The following ULK4 variants were observed in gnomAD, a reference collection of about 807,000 sequenced individuals.
ULK4 encodes the protein inactive serine/threonine-protein kinase ULK4.
Under a neutral mutation model 160.6 loss-of-function variants are expected in ULK4, and 133 were observed. The ratio of observed to expected loss-of-function variants is 0.83; its 90% CI spans 0.72 to 0.96. The LOEUF is 0.96. Among genes scored for constraint, ULK4 ranks in the 40% least tolerant of loss-of-function variants. The pLI is 0.00. For synonymous variants in ULK4, 534 were observed against 539.8 expected (o/e 0.99, Z 0.15); for missense variants, 1,580 against 1,499.5 (o/e 1.05, Z -0.89).
chr3:41,872,124 G>A (rs73081364), intron 17 of ULK4, among the ~76,000 whole-genome samples: 5 of 151,886 alleles, frequency 3.3e-5, no homozygotes, highest in Admixed American at 1.3e-4. Flanking sequence ...CCTTAGTCCC[G>A]GTACAGGACG....
At chr3:41,950,034 C>A (rs914995664) in intron 2 of ULK4, among the ~76,000 whole-genome samples, 1 of 151,968 alleles carries the variant, frequency 6.6e-6, no homozygotes, top group Non-Finnish European at 1.5e-5. Flanking sequence ...CCACACCTGG[C>A]ACGGTCTGAT....
At chr3:41,699,843 T>C (rs1575583663) in intron 27 of ULK4, among the ~76,000 whole-genome samples, 3 of 152,214 alleles carry the variant, frequency 2.0e-5, no homozygotes, top group African/African-American at 7.2e-5. Context: ...ATGAAGCCAG[T>C]AAGTTGCAAT....
chr3:41,667,584 C>T (rs2035388430), intron 29 of ULK4, among the ~76,000 whole-genome samples: 1 of 152,086 alleles, frequency 6.6e-6, no homozygotes, highest in Non-Finnish European at 1.5e-5. Flanking sequence ...GGAAGACTAA[C>T]CAGTGAAGAG....
intron 2 of ULK4, among the ~76,000 whole-genome samples, chr3:41,942,686 G>A (rs966349039): frequency 2.6e-5 from 4 of 151,986 alleles, no homozygotes; most frequent in African/African-American, 4.8e-5. Flanking sequence ...GCATGGAGGC[G>A]CATGCCTGTA....
chr3:41,465,985 A>C (rs1349348521), intron 32 of ULK4, among the ~76,000 whole-genome samples: 1 of 152,226 alleles, frequency 6.6e-6, no homozygotes, highest in African/African-American at 2.4e-5. Context: ...ACCAAAAGTT[A>C]CTAATGCATT....
chr3:41,355,592 G>A (rs1002620594), intron 35 of ULK4, among the ~76,000 whole-genome samples: 1 of 152,106 alleles, frequency 6.6e-6, no homozygotes, highest in Non-Finnish European at 1.5e-5. Flanking sequence ...AAATCAAACT[G>A]TATAATCAGC....
At chr3:41,638,564 CAT>C (rs1453874200) in intron 30 of ULK4, among the ~76,000 whole-genome samples, 2 of 152,212 alleles carry the variant, frequency 1.3e-5, no homozygotes, top group Admixed American at 6.5e-5. Flanking sequence ...AGTGATACCA[CAT>C]GTTTGAGATG....
chr3:41,542,307 G>C (rs2086723554), intron 32 of ULK4, among the ~76,000 whole-genome samples: 1 of 152,112 alleles, frequency 6.6e-6, no homozygotes, highest in Admixed American at 6.6e-5. Flanking sequence ...CTGTTTATGT[G>C]ATGTATTACA....
At chr3:41,712,647 T>C (rs959876846) in intron 25 of ULK4, among the ~76,000 whole-genome samples, 22 of 152,314 alleles carry the variant, frequency 1.4e-4, no homozygotes, top group African/African-American at 5.1e-4. Context: ...CCCAGCACTT[T>C]GGGAGGCCAA....
At chr3:41,822,930 G>C (rs535081326) in intron 18 of ULK4, among the ~76,000 whole-genome samples, 50 of 149,938 alleles carry the variant, frequency 3.3e-4, no homozygotes, top group Non-Finnish European at 5.5e-4. Flanking sequence ...CACCATGTTA[G>C]CCAGGATGGT....
intron 17 of ULK4, among the ~76,000 whole-genome samples, chr3:41,856,606 TATATATATAC>T (rs2042368738): frequency 1.2e-5 from 1 of 81,724 alleles, no homozygotes; most frequent in South Asian, 3.2e-4. Context: ...TATATATGTG[TATATATATAC>T]ACATATATAT....
At chr3:41,514,691 A>G (rs779461679) in intron 32 of ULK4, among the ~76,000 whole-genome samples, 1 of 152,064 alleles carries the variant, frequency 6.6e-6, no homozygotes, top group Non-Finnish European at 1.5e-5. Context: ...AAAGACAAAC[A>G]TTGCATGTTC....
At chr3:41,689,467 G>A (rs572215202) in intron 27 of ULK4, among the ~76,000 whole-genome samples, 1 of 152,194 alleles carries the variant, frequency 6.6e-6, no homozygotes, top group Admixed American at 6.5e-5. Flanking sequence ...ACTTTTCTCT[G>A]CACAGCAAAA....
At chr3:41,342,792 G>A (rs536112174) in intron 35 of ULK4, among the ~76,000 whole-genome samples, 27 of 152,176 alleles carry the variant, frequency 1.8e-4, no homozygotes, top group Non-Finnish European at 3.1e-4. Context: ...CTGGCAAACC[G>A]AATCCAGCAG....
chr3:41,360,899 A>C (rs1442255804), intron 35 of ULK4, among the ~76,000 whole-genome samples: 1 of 151,082 alleles, frequency 6.6e-6, no homozygotes, highest in Non-Finnish European at 1.5e-5. Flanking sequence ...ACACCTGTAC[A>C]TCCGGCACAT....
At chr3:41,509,655 A>C (rs1293061837) in intron 32 of ULK4, among the ~76,000 whole-genome samples, 1 of 152,198 alleles carries the variant, frequency 6.6e-6, no homozygotes, top group African/African-American at 2.4e-5. Context: ...GCCAGACAGG[A>C]TTGGTGTCCT....
chr3:41,943,410 T>C (rs1700020632), intron 2 of ULK4, among the ~76,000 whole-genome samples: 1 of 152,150 alleles, frequency 6.6e-6, no homozygotes, highest in Non-Finnish European at 1.5e-5. Flanking sequence ...CCTGTGACCA[T>C]ATACACGCAC....
intron 35 of ULK4, among the ~76,000 whole-genome samples, chr3:41,306,133 G>A (rs1416747214): frequency 2.7e-5 from 3 of 111,820 alleles, no homozygotes; most frequent in Admixed American, 8.7e-5. Flanking sequence ...GGAGGTGGGG[G>A]GGGGGGGTCA....
chr3:41,520,467 G>C (rs930827524), intron 32 of ULK4, among the ~76,000 whole-genome samples: 2 of 152,128 alleles, frequency 1.3e-5, no homozygotes, highest in African/African-American at 2.4e-5. Context: ...TCTGGTGATG[G>C]AGACATGAGT....
Sources: allele counts gnomAD v4.1 joint callset (sites outside exome capture counted in the v4.1 genomes callset), GRCh38; gene constraint gnomAD v4.1.1; transcripts MANE v1.5; gene names NCBI Gene and HGNC (gene_info 2026-07-23, HGNC 2026-07-21).